DACH1: variants seen among roughly 807,000 people sequenced by gnomAD.
DACH1 encodes the protein dachshund homolog 1.
DACH1 carries 12 observed loss-of-function variants against 54.2 expected under a neutral mutation model. The ratio of observed to expected loss-of-function variants is 0.22; its 90% confidence interval spans 0.14 to 0.36. The LOEUF (loss-of-function observed/expected upper bound fraction) is 0.36, where lower values mean the gene tolerates loss of function less well. DACH1 is among the 10% of genes least tolerant of loss of function. The pLI, the probability that DACH1 is intolerant of heterozygous loss-of-function variation, is 1.00. For synonymous variants in DACH1, 386 were observed against 366.2 expected (o/e 1.05, Z -0.62); for missense variants, 805 against 929.8 (o/e 0.87, Z 1.75).
At chr13:71,542,212 T>C (rs2138334287) in intron 6 of DACH1, among the ~76,000 whole-genome samples, 1 of 152,112 alleles carries the variant, frequency 6.6e-6, no homozygotes, top group African/African-American at 2.4e-5. Context: ...ATTGCGCCAT[T>C]GCACTCCAGC....
rs540443026 is a variant in DACH1, at chr13:71,622,200, A to G, written c.1126+8356T>C. Among the ~76,000 whole-genome samples the G allele has an allele frequency of 4.1e-4, 63 of 152,140 alleles. 2 individuals are homozygous for G. The highest frequency in any genetic ancestry group is 1.4e-3 in the African/African-American group (59 of 41,538). ...ACAAATGGTTTTGTATAATTTGGGA[A>G]TATTTGTACAACTGAGAGATGAATC... On this transcript the variant is annotated intron_variant, in intron 3 of 10. Coordinates refer to ENST00000613252, the MANE Select transcript of DACH1 (RefSeq NM_080759.6).
intron 1 of DACH1, among the ~76,000 whole-genome samples, chr13:71,842,350 G>T (rs1041879092): frequency 6.6e-6 from 1 of 151,992 alleles, no homozygotes; most frequent in African/African-American, 2.4e-5. Context: ...CAAAGTGGGT[G>T]GATTGCTTGA....
At chr13:71,809,648 AAG>A (rs1887635881) in intron 1 of DACH1, among the ~76,000 whole-genome samples, 1 of 152,194 alleles carries the variant, frequency 6.6e-6, no homozygotes, top group Admixed American at 6.5e-5. Flanking sequence ...TTTTCCAAAG[AAG>A]ATAGTGTTGC....
At chr13:71,830,455 G>A (rs141315594) in intron 1 of DACH1, among the ~76,000 whole-genome samples, 3 of 151,910 alleles carry the variant, frequency 2.0e-5, no homozygotes, top group Non-Finnish European at 4.4e-5. Context: ...AGTTCCTGTC[G>A]TAGTGCTTTT....
chr13:71,866,426 C>CTGCCGT lies in DACH1; in HGVS notation c.338_343dup (p.Asn113_Gly114dup). The CTGCCGT allele has an allele frequency of 4.3e-6, 6 of 1,410,692 alleles. No homozygotes were observed. Among genetic ancestry groups the CTGCCGT allele is most frequent in the Admixed American group, 2.5e-5 (1 of 39,330 alleles). The allele number at this position is 1,410,692 out of a possible 1,614,324, so 87.4% of individuals were successfully genotyped here. A position where few individuals can be genotyped will look rare whatever the true frequency, so the allele number is the denominator to read the frequency against. Reference sequence around the variant, plus strand: ...GCTGATGCCGCCGCCGCCGCCGCCGCTGCCGTTGCTCGCGGCCGCCAGGTT... The same window carrying CTGCCGT: ...GCTGATGCCGCCGCCGCCGCCGCCGCTGCCGTTGCCGTTGCTCGCGGCCGCCAGGTT... On this transcript the variant is annotated inframe_insertion, in exon 1 of 11. Coordinates refer to ENST00000613252, the MANE Select transcript of DACH1 (RefSeq NM_080759.6).
chr13:71,613,847 G>T (rs1478870946), intron 3 of DACH1, among the ~76,000 whole-genome samples: 1 of 152,074 alleles, frequency 6.6e-6, no homozygotes, highest in Non-Finnish European at 1.5e-5. Context: ...GAGTTGCTGG[G>T]ACCACAGGTG....
At chr13:71,687,187 C>T (rs1032914821) in intron 1 of DACH1, among the ~76,000 whole-genome samples, 2 of 152,030 alleles carry the variant, frequency 1.3e-5, no homozygotes, top group Non-Finnish European at 1.5e-5. Context: ...TCCTACAAAA[C>T]CAAGAGGTTT....
chr13:71,632,110 A>G (rs911815684), intron 2 of DACH1, among the ~76,000 whole-genome samples: 1 of 151,982 alleles, frequency 6.6e-6, no homozygotes, highest in Non-Finnish European at 1.5e-5. Context: ...GGAAGAGAAA[A>G]GAAAAGGAAA....
At chr13:71,568,339 A>G (rs1356813024) in intron 4 of DACH1, among the ~76,000 whole-genome samples, 1 of 152,032 alleles carries the variant, frequency 6.6e-6, no homozygotes, top group Non-Finnish European at 1.5e-5. Context: ...TTTATAGATT[A>G]TTGTCCAAAT....
At chr13:71,831,591 C>T (rs938141056) in intron 1 of DACH1, among the ~76,000 whole-genome samples, 1 of 151,662 alleles carries the variant, frequency 6.6e-6, no homozygotes, top group Admixed American at 6.6e-5. Flanking sequence ...ATGAAAGACC[C>T]CCTTCAAATG....
At chr13:71,501,694 A>T (rs1879926904) in intron 6 of DACH1, among the ~76,000 whole-genome samples, 1 of 152,160 alleles carries the variant, frequency 6.6e-6, no homozygotes, top group South Asian at 2.1e-4. Context: ...AAGGAATACT[A>T]CTCAGTAAAG....
chr13:71,485,613 TC>T, intron 7 of DACH1, among the ~76,000 whole-genome samples: 1 of 133,970 alleles, frequency 7.5e-6, no homozygotes, highest in Non-Finnish European at 1.6e-5. Context: ...CTGGAGGGAG[TC>T]TTGTTCTGTC....
chr13:71,605,640 G>A (rs943108005), intron 3 of DACH1, among the ~76,000 whole-genome samples: 4 of 151,876 alleles, frequency 2.6e-5, no homozygotes, highest in East Asian at 3.9e-4. Flanking sequence ...AAAAACATTG[G>A]CTCACAGCAA....
intron 6 of DACH1, among the ~76,000 whole-genome samples, chr13:71,538,666 G>A (rs1220506871): frequency 6.6e-6 from 1 of 152,020 alleles, no homozygotes; most frequent in African/African-American, 2.4e-5. Flanking sequence ...AACTACCAGA[G>A]TTTCTGGATA....
chr13:71,796,549 C>A (rs7335349), intron 1 of DACH1, among the ~76,000 whole-genome samples: 72,243 of 151,832 alleles, frequency 0.48, 18,308 homozygotes, highest in East Asian at 0.86. Context: ...ACTGTTCCTC[C>A]AGAAAGATTT....
intron 1 of DACH1, among the ~76,000 whole-genome samples, chr13:71,748,451 A>G (rs575964487): frequency 3.3e-5 from 5 of 152,326 alleles, no homozygotes; most frequent in African/African-American, 1.2e-4. Flanking sequence ...TTTTAAAAAG[A>G]GAAATCAATT....
chr13:71,610,781 A>C (rs527442177), intron 3 of DACH1, among the ~76,000 whole-genome samples: 1 of 152,200 alleles, frequency 6.6e-6, no homozygotes, highest in African/African-American at 2.4e-5. Flanking sequence ...ATCTTAAAAG[A>C]TCTCTCAACT....
chr13:71,674,986 T>C, intron 2 of DACH1: 1 of 707,248 alleles, frequency 1.4e-6, no homozygotes, highest in Non-Finnish European at 2.5e-6. Flanking sequence ...CTGCCGTCGC[T>C]CTCCAACGCC....
At chr13:71,459,030 A>G (rs1875838153) in intron 10 of DACH1, among the ~76,000 whole-genome samples, 1 of 151,914 alleles carries the variant, frequency 6.6e-6, no homozygotes, top group Non-Finnish European at 1.5e-5. Context: ...AGATTCAACA[A>G]GAGTTACGGA....
Sources: allele counts gnomAD v4.1 joint callset (sites outside exome capture counted in the v4.1 genomes callset), GRCh38; gene constraint gnomAD v4.1.1; transcripts MANE v1.5; gene names NCBI Gene and HGNC (gene_info 2026-07-23, HGNC 2026-07-21).